Variants in ADAMTS12 observed in about 807,000 individuals in gnomAD.
ADAMTS12 encodes ADAM metallopeptidase with thrombospondin type 1 motif 12, also known as A disintegrin and metalloproteinase with thrombospondin motifs 12.
A neutral mutation model predicts 167.8 loss-of-function variants in ADAMTS12; 118 were observed. The observed-to-expected ratio is 0.70, with a 90% CI of 0.61 to 0.82. ADAMTS12 has a LOEUF of 0.82. ADAMTS12 is among the 40% of genes least tolerant of loss of function. The pLI is 0.00. For synonymous variants in ADAMTS12, 704 were observed against 716.9 expected, an observed-to-expected ratio of 0.98 and a Z score of 0.29; for missense variants, 1,916 against 1,998.8, an observed-to-expected ratio of 0.96 and a Z score of 0.79.
At chr5:33,593,708 A>G (rs768581230) in intron 17 of ADAMTS12, among the ~76,000 whole-genome samples, 5 of 152,126 alleles carry the variant, frequency 3.3e-5, no homozygotes, top group Non-Finnish European at 7.4e-5. Flanking sequence ...GTGGGAGAGC[A>G]TTAGGACAAA....
intron 19 of ADAMTS12, among the ~76,000 whole-genome samples, chr5:33,567,601 A>T (rs538469733): frequency 6.6e-6 from 1 of 152,270 alleles, no homozygotes; most frequent in Non-Finnish European, 1.5e-5. Context: ...CCTTTGGGGG[A>T]ATCCGAACAC....
intron 20 of ADAMTS12, among the ~76,000 whole-genome samples, chr5:33,549,726 G>C (rs1424158367): frequency 2.0e-5 from 3 of 152,250 alleles, no homozygotes; most frequent in Admixed American, 6.5e-5. Context: ...TGGAGTGCCT[G>C]CTGGCACAGC....
chr5:33,876,708 G>A (rs2111757229), intron 2 of ADAMTS12, among the ~76,000 whole-genome samples: 1 of 152,220 alleles, frequency 6.6e-6, no homozygotes, highest in Middle Eastern at 3.4e-3. Flanking sequence ...TGAGGTGGTG[G>A]TACCATGAGA....
At chr5:33,641,020 G>A (rs973802166) in intron 11 of ADAMTS12, among the ~76,000 whole-genome samples, 1 of 151,778 alleles carries the variant, frequency 6.6e-6, no homozygotes, top group Non-Finnish European at 1.5e-5. Flanking sequence ...CAAAGTAGAT[G>A]AATGTAAATT....
In ADAMTS12 at chr5:33,576,475, C is replaced by T; in HGVS notation, c.3551G>A (p.Gly1184Glu). ...PVIWTKIRVP[G>E]NDAPVESTEM... ...TGTACTTTCCACTGGAGCGTCATTT[C>T]CAGGTACTCTGATCTTGGTCCATAT... The change falls in exon 19 of 24, where the codon GGA becomes GAA. Residue 1184 changes from glycine (G) to glutamate (E), a missense_variant. Physicochemically the swap from Gly to Glu is moderately conservative, Grantham distance 98 (BLOSUM62 -2). Transcript: ENST00000504830. 1 of 1,608,314 alleles carries T rather than the reference C, an allele frequency of 6.2e-7. No individual in the cohort carries two copies. The highest frequency in any genetic ancestry group is 8.5e-7 in the Non-Finnish European group (1 of 1,177,192).
In ADAMTS12 at chr5:33,649,623, T is replaced by C. The variant is rs866167706; in HGVS notation, c.1265A>G (p.Gln422Arg). 21 of 1,614,048 alleles carry C rather than the reference T, an allele frequency of 1.3e-5. No individual in the cohort carries two copies. In the Middle Eastern group the frequency reaches 5.0e-4, roughly 38 times the overall value. Residue 422 changes from glutamine to arginine, a missense_variant, in exon 8 of 24, where the codon CAG becomes CGG. By Grantham distance (43) the Gln-to-Arg change is conservative. Transcript: ENST00000504830. ...VGRHPYIMSR[Q>R]LQYDPTPLTW... ...CAGCGGAGTGGGATCGTACTGGAGC[T>C]GGCGGGACATGATGTACGGATGTCT...
rs60023282 is a variant in ADAMTS12 at position 33,827,710 on chromosome 5, A to AATAGATAG, written c.489+53401_489+53408dup. Among the ~76,000 whole-genome samples the AATAGATAG allele has an allele frequency of 5.4e-3, 535 of 99,076 alleles. 1 individual carries two copies. The highest frequency in any genetic ancestry group is 9.6e-3 in the Middle Eastern group (2 of 208). The allele number at this position is 99,076 out of a possible 152,430, so 65.0% of individuals were successfully genotyped here. On this transcript the variant is annotated intron_variant, in intron 2 of 23. Transcript: ENST00000504830. ...TTGGATATGTCCTTGGAGAAAACAA[A>AATAGATAG]ATAGATAGATAGATAGATAGATAGA...
chr5:33,707,787 T>C (rs1036561548), intron 3 of ADAMTS12, among the ~76,000 whole-genome samples: 2 of 152,150 alleles, frequency 1.3e-5, no homozygotes, highest in Admixed American at 1.3e-4. Flanking sequence ...CCTTACACTT[T>C]ATACAAAAAT....
intron 16 of ADAMTS12, among the ~76,000 whole-genome samples, chr5:33,600,069 C>T (rs1269915703): frequency 2.0e-5 from 3 of 152,174 alleles, no homozygotes; most frequent in Admixed American, 1.3e-4. Context: ...GCCAATCAAT[C>T]AATATGTTGC....
intron 3 of ADAMTS12, among the ~76,000 whole-genome samples, chr5:33,736,545 T>G (rs1744382128): frequency 6.6e-6 from 1 of 152,210 alleles, no homozygotes; most frequent in African/African-American, 2.4e-5. Flanking sequence ...CCCTGGTATT[T>G]ACAAACAGGA....
At chr5:33,628,860 A>G (rs1403820482) in intron 13 of ADAMTS12, among the ~76,000 whole-genome samples, 1 of 152,238 alleles carries the variant, frequency 6.6e-6, no homozygotes, top group Non-Finnish European at 1.5e-5. Flanking sequence ...GGGTAATTAT[A>G]GCTTCTAAAA....
In ADAMTS12 at chr5:33,891,805, G is replaced by C; in HGVS notation, c.52C>G (p.Leu18Val). The stretch of plus-strand genomic sequence containing the variant: ...TAGCAAAGCGCCCCAAAGTTAAGGA[G>C]CTGAGCCACCACGGAAAGGTTTGCA... ...WLANLSVVAQ[L>V]LNFGALCYGR... Residue 18 changes from leucine (L) to valine (V), a missense_variant, in exon 1 of 24, where the codon CTC becomes GTC. By Grantham distance (32) the Leu-to-Val change is conservative. Coordinates refer to ENST00000504830, the MANE Select transcript of ADAMTS12 (RefSeq NM_030955.4). 1 of 1,614,236 alleles carries C rather than the reference G, an allele frequency of 6.2e-7. No homozygotes were observed. The highest frequency in any genetic ancestry group is 8.5e-7 in the Non-Finnish European group (1 of 1,180,038).
chr5:33,674,054 A>G (rs1177206443), intron 5 of ADAMTS12, among the ~76,000 whole-genome samples: 1 of 152,168 alleles, frequency 6.6e-6, no homozygotes, highest in Non-Finnish European at 1.5e-5. Context: ...GGCCTCCAGA[A>G]CAAGAATTGA....
intron 5 of ADAMTS12, among the ~76,000 whole-genome samples, chr5:33,679,339 G>A (rs986705275): frequency 1.3e-5 from 2 of 152,172 alleles, no homozygotes; most frequent in African/African-American, 4.8e-5. Flanking sequence ...TAATTTATAA[G>A]GGAAAGAGGT....
intron 22 of ADAMTS12, among the ~76,000 whole-genome samples, chr5:33,539,022 A>T (rs1579635989): frequency 1.3e-5 from 2 of 152,090 alleles, no homozygotes; most frequent in South Asian, 4.2e-4. Context: ...GCTCACTGCA[A>T]CCTCCACCTC....
intron 7 of ADAMTS12, among the ~76,000 whole-genome samples, chr5:33,656,218 C>G (rs1346543711): frequency 6.6e-6 from 1 of 152,172 alleles, no homozygotes; most frequent in Non-Finnish European, 1.5e-5. Flanking sequence ...GGTAGTGACT[C>G]AGTTCTAGTC....
chr5:33,834,258 A>G (rs1038153530), intron 2 of ADAMTS12, among the ~76,000 whole-genome samples: 16 of 152,164 alleles, frequency 1.1e-4, no homozygotes, highest in Non-Finnish European at 4.4e-5. Context: ...TTCAACATGA[A>G]TTTTTGGGGG....
At chr5:33,592,609 C>T (rs543335465) in intron 17 of ADAMTS12, among the ~76,000 whole-genome samples, 1 of 152,260 alleles carries the variant, frequency 6.6e-6, no homozygotes, top group South Asian at 2.1e-4. Flanking sequence ...ACATGCTCTA[C>T]AAGGCTTTCA....
chr5:33,555,577 A>C (rs73078359), intron 20 of ADAMTS12, among the ~76,000 whole-genome samples: 7,397 of 152,214 alleles, frequency 0.049, 603 homozygotes, highest in African/African-American at 0.17. Flanking sequence ...ACATTCTGAA[A>C]CCGGCATGTG....
Sources: gnomAD v4.1 joint callset for allele counts (sites outside exome capture counted in the v4.1 genomes callset) on GRCh38, gnomAD v4.1.1 for gene constraint, MANE v1.5 for transcripts, NCBI Gene and HGNC (gene_info 2026-07-23, HGNC 2026-07-21) for gene names.